TNPO3: variants seen among roughly 807,000 people sequenced by gnomAD.
TNPO3 encodes transportin 3.
Under a neutral mutation model 122.8 loss-of-function variants are expected in TNPO3, and 65 were observed. The ratio of observed to expected loss-of-function variants is 0.53; its 90% CI spans 0.43 to 0.65. The LOEUF is 0.65. Ranked by LOEUF, TNPO3 falls within the 30% of genes least tolerant of loss-of-function variation. TNPO3 has a pLI of 0.00. For synonymous variants in TNPO3, 372 were observed against 411.2 expected (o/e 0.90, Z 1.15); for missense variants, 850 against 1,136.7 (o/e 0.75, Z 3.63).
At chr7:129,040,524 C>A (rs182933010) in intron 1 of TNPO3, among the ~76,000 whole-genome samples, 2 of 152,166 alleles carry the variant, frequency 1.3e-5, no homozygotes, top group Non-Finnish European at 2.9e-5. Context: ...TTTGCGATTA[C>A]TTAAAATATA....
At position 128,998,243 on chromosome 7, in the gene TNPO3, C is replaced by G. The variant is rs112811747; in HGVS notation, c.1012-708G>C. Among the ~76,000 whole-genome samples the G allele has an allele frequency of 6.9e-3, 1,051 of 152,122 alleles. 13 individuals carry two copies. The highest frequency in any genetic ancestry group is 0.024 in the African/African-American group (1,015 of 41,536). On this transcript the variant is annotated intron_variant, in intron 7 of 22. Transcript: ENST00000265388. ...ATGTAGGTGGCACATGCCTGTATTC[C>G]CAGCTACTCAGGAGGCTGAGGTTGG...
At position 128,993,830 on chromosome 7, in the gene TNPO3, C is replaced by G; in HGVS notation, c.1243G>C (p.Gly415Arg). The G allele has an allele frequency of 6.2e-7, 1 of 1,614,046 alleles. No individual in the cohort carries two copies. Among genetic ancestry groups the G allele is most frequent in the Non-Finnish European group, 8.5e-7 (1 of 1,179,984 alleles). ...ACCTGAGCAAAACACTCCATAGACC[C>G]TATCAAGAAAATCAAGTCCTTTACC... ...DLVKDLIFLI[G>R]SMECFAQLYS... is the part of the protein sequence containing the mutation. Residue 415 changes from glycine (G) to arginine (R), a missense_variant, in exon 9 of 23, where the codon GGG becomes CGG. Physicochemically the swap from Gly to Arg is moderately radical, Grantham distance 125. Transcript: ENST00000265388.
intron 9 of TNPO3, 136 bp downstream of exon 9, chr7:128,993,671 G>T: frequency 1.4e-6 from 1 of 699,094 alleles, no homozygotes; most frequent in Non-Finnish European, 2.4e-6. Flanking sequence ...CAGGCAGTGT[G>T]CTAGGCACTT....
chr7:128,981,263 A>G (rs1799596677), intron 14 of TNPO3, among the ~76,000 whole-genome samples: 3 of 152,174 alleles, frequency 2.0e-5, no homozygotes. Flanking sequence ...TTTATCCCAC[A>G]TAGGCTTCTA....
rs556844249 is a variant in TNPO3, at chr7:128,965,776, C to T, written c.2711+1504G>A. On this transcript the variant is annotated intron_variant, in intron 21 of 22. Coordinates refer to ENST00000265388, the MANE Select transcript of TNPO3 (RefSeq NM_012470.4). Reference sequence around the variant, plus strand: ...TTAAATGGAAGAAAATTCTGGCACACGCTACAACATAGATGAATCCTAAGG... The same window carrying T: ...TTAAATGGAAGAAAATTCTGGCACATGCTACAACATAGATGAATCCTAAGG... Among the ~76,000 whole-genome samples, 493 of 152,230 alleles carry T rather than the reference C, an allele frequency of 3.2e-3. 2 individuals carry two copies. Among genetic ancestry groups the T allele is most frequent in the Admixed American group, 6.0e-3 (92 of 15,292 alleles).
intron 21 of TNPO3, among the ~76,000 whole-genome samples, chr7:128,960,602 T>C (rs1797348409): frequency 6.6e-6 from 1 of 151,024 alleles, no homozygotes; most frequent in Non-Finnish European, 1.5e-5. Flanking sequence ...ATTTTAAGAA[T>C]AGAAAAAAGC....
chr7:129,027,803 A>G lies in TNPO3; in HGVS notation c.121-9646T>C, dbSNP rs578030488. ...CTGAAGGGCTCTGGACAGCCTCTCA[A>G]GACTGGGGAAATAAAAACTGGAATT... On this transcript the variant is annotated intron_variant, in intron 1 of 22. Transcript: ENST00000265388. Among the ~76,000 whole-genome samples, 3 of 152,240 alleles carry G rather than the reference A, an allele frequency of 2.0e-5. No individual in the cohort carries two copies. The East Asian group carries it at 5.8e-4, about 29-fold the overall frequency.
intron 1 of TNPO3, among the ~76,000 whole-genome samples, chr7:129,028,310 T>C (rs1049165350): frequency 6.6e-6 from 1 of 152,038 alleles, no homozygotes; most frequent in African/African-American, 2.4e-5. Flanking sequence ...TAAACTGAAC[T>C]AGTATAAGAA....
chr7:129,011,106 C>A (rs1340653199), intron 4 of TNPO3, among the ~76,000 whole-genome samples: 2 of 152,166 alleles, frequency 1.3e-5, no homozygotes, highest in Non-Finnish European at 2.9e-5. Context: ...CTGAGAAGGG[C>A]TGTTTTAGAT....
intron 21 of TNPO3, among the ~76,000 whole-genome samples, chr7:128,961,001 T>C (rs551542445): frequency 6.6e-6 from 1 of 152,310 alleles, no homozygotes; most frequent in South Asian, 2.1e-4. Context: ...CCTCAAGTGA[T>C]CTGCCTGCCT....
At chr7:128,965,704 GATAA>G (rs1797866010) in intron 21 of TNPO3, among the ~76,000 whole-genome samples, 2 of 152,126 alleles carry the variant, frequency 1.3e-5, no homozygotes, top group African/African-American at 4.8e-5. Context: ...CAGATGAAAG[GATAA>G]ATAAAATGTG....
intron 1 of TNPO3, among the ~76,000 whole-genome samples, chr7:129,035,063 A>AG (rs1302266997): frequency 6.6e-6 from 1 of 150,434 alleles, no homozygotes; most frequent in African/African-American, 2.4e-5. Context: ...TCATGAGGTC[A>AG]GGGGATCGAG....
chr7:128,977,684 C>A (rs1273285114), intron 16 of TNPO3, among the ~76,000 whole-genome samples: 1 of 151,910 alleles, frequency 6.6e-6, no homozygotes, highest in Non-Finnish European at 1.5e-5. Flanking sequence ...GCAACCTCCA[C>A]CCTCCGGGTT....
chr7:128,957,167 C>G, intron 22 of TNPO3, 57 bp downstream of exon 22: 1 of 1,472,810 alleles, frequency 6.8e-7, no homozygotes, highest in Non-Finnish European at 9.5e-7. Flanking sequence ...TCCCCATTCC[C>G]AGGCATCCCC....
intron 4 of TNPO3, among the ~76,000 whole-genome samples, chr7:129,012,007 T>C (rs11772184): frequency 0.45 from 51,734 of 115,624 alleles, 9,056 homozygotes; most frequent in East Asian, 0.71. Context: ...TTCTTTCTTT[T>C]TTTTTTTTTT....
chr7:129,014,610 G>C (rs1166887455), intron 4 of TNPO3, among the ~76,000 whole-genome samples: 4 of 152,094 alleles, frequency 2.6e-5, no homozygotes, highest in African/African-American at 9.7e-5. Context: ...TCTTAGTAAA[G>C]TAGATTTATA....
At chr7:128,981,274 C>T (rs747679001) in intron 14 of TNPO3, among the ~76,000 whole-genome samples, 14 of 152,164 alleles carry the variant, frequency 9.2e-5, no homozygotes, top group Non-Finnish European at 1.9e-4. Context: ...TAGGCTTCTA[C>T]ACAATGATTA....
In TNPO3 at chr7:128,984,168, C is replaced by T. The variant is rs886044359; in HGVS notation, c.1782G>A (p.Lys594=). The change falls in exon 13 of 23, where the codon AAG becomes AAA. Residue 594 remains lysine (K), a splice_region_variant and synonymous_variant. Transcript: ENST00000265388. ...TCACACCTTCCTTAATTGGACTTAC[C>T]TTTTTCAATGCCATAACCTGAACAG... ...LCSVQVMALK[K]LLSQEPSNGI... 33 of 1,580,000 alleles carry T rather than the reference C, an allele frequency of 2.1e-5. No individual in the cohort carries two copies. The highest frequency in any genetic ancestry group is 2.3e-5 in the Non-Finnish European group (27 of 1,163,110).
At chr7:129,032,923 T>A (rs1806116803) in intron 1 of TNPO3, among the ~76,000 whole-genome samples, 1 of 152,168 alleles carries the variant, frequency 6.6e-6, no homozygotes, top group Non-Finnish European at 1.5e-5. Context: ...ATTGGAGGTC[T>A]CATACTTCTA....
Sources: allele counts gnomAD v4.1 joint callset (sites outside exome capture counted in the v4.1 genomes callset), GRCh38; gene constraint gnomAD v4.1.1; transcripts MANE v1.5; gene names NCBI Gene and HGNC (gene_info 2026-07-23, HGNC 2026-07-21).